Variants in SGCZ observed in about 807,000 individuals in gnomAD.
SGCZ encodes the protein sarcoglycan zeta.
A neutral mutation model predicts 41.3 loss-of-function variants in SGCZ; 40 were observed. The observed-to-expected ratio is 0.97, with a 90% confidence interval of 0.75 to 1.26. The LOEUF is 1.26. Among genes scored for constraint, SGCZ ranks in the 50% most tolerant of loss-of-function variants. The probability of loss-of-function intolerance (pLI) is 0.00; values close to 1 mark genes in which losing one functional copy is unlikely to be tolerated. For missense variants in SGCZ, 552 were observed against 369.8 expected, an observed-to-expected ratio of 1.49 and a Z score of -4.04; for synonymous variants, 206 against 137.5, an observed-to-expected ratio of 1.50 and a Z score of -3.49.
intron 1 of SGCZ, among the ~76,000 whole-genome samples, chr8:14,715,744 C>G (rs1466820614): frequency 6.6e-6 from 1 of 152,090 alleles, no homozygotes; most frequent in Admixed American, 6.6e-5. Context: ...CAATAGAGAT[C>G]TGTCAGAAGT....
chr8:15,167,803 C>A (rs1165929227), intron 1 of SGCZ, among the ~76,000 whole-genome samples: 1 of 152,180 alleles, frequency 6.6e-6, no homozygotes, highest in African/African-American at 2.4e-5. Flanking sequence ...CTGCTTGTTC[C>A]TGTGAACCAA....
At chr8:14,207,409 T>C (rs1485188438) in intron 4 of SGCZ, among the ~76,000 whole-genome samples, 1 of 152,226 alleles carries the variant, frequency 6.6e-6, no homozygotes, top group Non-Finnish European at 1.5e-5. Flanking sequence ...CTCATCCATC[T>C]TATTGCAAAC....
At chr8:14,275,154 G>T (rs1203990604) in intron 3 of SGCZ, among the ~76,000 whole-genome samples, 1 of 152,092 alleles carries the variant, frequency 6.6e-6, no homozygotes, top group Non-Finnish European at 1.5e-5. Context: ...CAGGTCTCTC[G>T]ACTCAGTCAA....
chr8:15,159,094 G>T (rs972413121), intron 1 of SGCZ, among the ~76,000 whole-genome samples: 5 of 152,152 alleles, frequency 3.3e-5, no homozygotes, highest in Non-Finnish European at 7.4e-5. Flanking sequence ...TTCTGAGAGG[G>T]GAGGGGGCCT....
intron 1 of SGCZ, among the ~76,000 whole-genome samples, chr8:14,820,335 C>T (rs749985294): frequency 5.3e-5 from 8 of 151,846 alleles, no homozygotes; most frequent in Non-Finnish European, 8.8e-5. Context: ...ATATATACAC[C>T]CAACACTGGA....
chr8:14,865,740 G>A (rs1490633169), intron 1 of SGCZ, among the ~76,000 whole-genome samples: 1 of 152,118 alleles, frequency 6.6e-6, no homozygotes, highest in African/African-American at 2.4e-5. Flanking sequence ...AAGGAGTTGG[G>A]AGGCTTAGAA....
intron 1 of SGCZ, among the ~76,000 whole-genome samples, chr8:14,935,872 G>A (rs1466185137): frequency 6.6e-6 from 1 of 151,686 alleles, no homozygotes; most frequent in African/African-American, 2.4e-5. Flanking sequence ...AAGTATGGAA[G>A]AAAAAATGAT....
intron 1 of SGCZ, among the ~76,000 whole-genome samples, chr8:14,864,336 C>A (rs1298766302): frequency 2.0e-5 from 3 of 152,120 alleles, no homozygotes. Context: ...AAACTTGCAA[C>A]TAGAAGGTAA....
intron 1 of SGCZ, among the ~76,000 whole-genome samples, chr8:15,056,644 C>G (rs1249069540): frequency 6.6e-6 from 1 of 151,910 alleles, no homozygotes; most frequent in Non-Finnish European, 1.5e-5. Context: ...GTTTTTTCCA[C>G]TCCTAAATAA....
intron 1 of SGCZ, among the ~76,000 whole-genome samples, chr8:15,038,979 T>C (rs1803977007): frequency 6.6e-6 from 1 of 152,010 alleles, no homozygotes; most frequent in Non-Finnish European, 1.5e-5. Context: ...GGGCAAAAGA[T>C]AAACGTTGGT....
chr8:15,052,533 G>A (rs868796598), intron 1 of SGCZ, among the ~76,000 whole-genome samples: 7 of 152,046 alleles, frequency 4.6e-5, no homozygotes, highest in African/African-American at 1.2e-4. Flanking sequence ...TGTGGGCTTC[G>A]TTCTAACGCT....
At chr8:14,206,363 G>A (rs1256645468) in intron 4 of SGCZ, among the ~76,000 whole-genome samples, 1 of 152,108 alleles carries the variant, frequency 6.6e-6, no homozygotes, top group Non-Finnish European at 1.5e-5. Flanking sequence ...ACTTTCACCT[G>A]TTGCTGAATA....
chr8:14,756,342 T>C (rs1159857545), intron 1 of SGCZ, among the ~76,000 whole-genome samples: 5 of 152,002 alleles, frequency 3.3e-5, no homozygotes, highest in Non-Finnish European at 7.4e-5. Context: ...TGCACCACCA[T>C]GCACGGCTAA....
chr8:14,810,643 T>C (rs1211054324), intron 1 of SGCZ, among the ~76,000 whole-genome samples: 1 of 152,048 alleles, frequency 6.6e-6, no homozygotes, highest in East Asian at 1.9e-4. Context: ...GCACTGGAGA[T>C]GGCTACAATC....
At chr8:14,914,096 A>C (rs1799357787) in intron 1 of SGCZ, among the ~76,000 whole-genome samples, 1 of 152,048 alleles carries the variant, frequency 6.6e-6, no homozygotes, top group Non-Finnish European at 1.5e-5. Flanking sequence ...AAGGTGTGAG[A>C]GATTACTCAG....
chr8:14,380,016 G>C (rs940126099), intron 2 of SGCZ, among the ~76,000 whole-genome samples: 2 of 152,136 alleles, frequency 1.3e-5, no homozygotes, highest in Non-Finnish European at 2.9e-5. Flanking sequence ...ACAGGTGTGA[G>C]CCATGGCACC....
At chr8:14,284,504 GC>G (rs1800558325) in intron 3 of SGCZ, among the ~76,000 whole-genome samples, 1 of 152,152 alleles carries the variant, frequency 6.6e-6, no homozygotes, top group African/African-American at 2.4e-5. Context: ...AATTATCCAT[GC>G]CTTTAGATTT....
At position 14,086,329 on chromosome 8, in the gene SGCZ, C is replaced by G. The variant is rs907557845; in HGVS notation, c.*4114G>C. Among the ~76,000 whole-genome samples the G allele has an allele frequency of 1.3e-5, 2 of 151,662 alleles. No individual in the cohort carries two copies. The highest frequency in any genetic ancestry group is 3.0e-5 in the Non-Finnish European group (2 of 67,746). On this transcript the variant is annotated 3_prime_UTR_variant, in exon 8 of 8. Transcript: ENST00000382080. ...AAATATAACACTCATATGCATTAGA[C>G]GCTCTCCAGGCTATTGCTGCCTCAT...
chr8:14,532,047 C>T (rs1011760216), intron 2 of SGCZ, among the ~76,000 whole-genome samples: 4 of 152,006 alleles, frequency 2.6e-5, no homozygotes, highest in Admixed American at 6.6e-5. Context: ...AATCATTTTT[C>T]TTTAGCAATC....
Sources: allele counts gnomAD v4.1 joint callset (sites outside exome capture counted in the v4.1 genomes callset), GRCh38; gene constraint gnomAD v4.1.1; transcripts MANE v1.5; gene names NCBI Gene and HGNC (gene_info 2026-07-23, HGNC 2026-07-21).